ZNF362: variants seen among roughly 807,000 people sequenced by gnomAD.
ZNF362 encodes the protein rotund homolog.
A neutral mutation model predicts 42.9 loss-of-function variants in ZNF362; 11 were observed. The observed-to-expected ratio is 0.26, with a 90% CI of 0.16 to 0.42. The LOEUF is 0.42. Among genes scored for constraint, ZNF362 ranks in the 20% least tolerant of loss-of-function variants. The probability of loss-of-function intolerance (pLI) is 1.00; values close to 1 mark genes in which losing one functional copy is unlikely to be tolerated. For missense variants in ZNF362, 362 were observed against 576.2 expected (o/e 0.63, Z 3.81); for synonymous variants, 255 against 257.3 (o/e 0.99, Z 0.09).
At chr1:33,243,165 T>TGTTGTTAC in the ZNF362 span, among the ~76,000 whole-genome samples, 2 of 150,058 alleles carry the variant, frequency 1.3e-5, no homozygotes, top group African/African-American at 5.0e-5. Flanking sequence ...TATGTTGTTA[T>TGTTGTTAC]GTTATTTTGA....
chr1:33,207,950 A>G, the ZNF362 span, among the ~76,000 whole-genome samples: 1 of 152,048 alleles, frequency 6.6e-6, no homozygotes, highest in African/African-American at 2.4e-5. Flanking sequence ...CTTTAGTTTA[A>G]CTAGTCCTCA....
At chr1:33,225,763 C>T in the ZNF362 span, among the ~76,000 whole-genome samples, 1 of 152,174 alleles carries the variant, frequency 6.6e-6, no homozygotes, top group Non-Finnish European at 1.5e-5. Context: ...CCAGGGTTAG[C>T]TCAATGCTGA....
the ZNF362 span, among the ~76,000 whole-genome samples, chr1:33,183,352 T>A: frequency 6.6e-6 from 1 of 152,232 alleles, no homozygotes; most frequent in Non-Finnish European, 1.5e-5. Context: ...TGGTTAACAC[T>A]TTCTCCATCA....
At chr1:33,282,120 A>G in intron 6 of ZNF362, 1 of 417,906 alleles carries the variant, frequency 2.4e-6, no homozygotes, top group South Asian at 2.7e-5. Flanking sequence ...GCCCTCCCTG[A>G]TTGCTCTAGC....
chr1:33,223,801 G>A, the ZNF362 span, among the ~76,000 whole-genome samples: 3 of 151,668 alleles, frequency 2.0e-5, no homozygotes. Context: ...GCTGAGGTGG[G>A]AGAATCGCTT....
At chr1:33,255,738 G>A (rs946302767), upstream of ZNF362, among the ~76,000 whole-genome samples, 1 of 152,090 alleles carries the variant, frequency 6.6e-6, no homozygotes, top group African/African-American at 2.4e-5. Context: ...CTGGGCCTGT[G>A]CAAACTTCTA....
At chr1:33,214,176 C>G in the ZNF362 span, among the ~76,000 whole-genome samples, 6 of 152,294 alleles carry the variant, frequency 3.9e-5, no homozygotes, top group African/African-American at 1.2e-4. Flanking sequence ...ATGCACACCC[C>G]TAAAAATTCC....
upstream of ZNF362, among the ~76,000 whole-genome samples, chr1:33,251,550 C>T (rs1459203709): frequency 6.6e-6 from 1 of 152,202 alleles, no homozygotes; most frequent in African/African-American, 2.4e-5. Flanking sequence ...TGCCATATCA[C>T]ATCTCTGCTT....
the ZNF362 span, chr1:33,147,608 G>A: frequency 2.0e-5 from 33 of 1,614,020 alleles, no homozygotes; most frequent in African/African-American, 2.7e-5. The surrounding 1 kb of genome is among the most constrained non-coding windows in gnomAD (Gnocchi z 8.1). Context: ...ACATCGAAGC[G>A]CTTTGGCGAG....
the ZNF362 span, among the ~76,000 whole-genome samples, chr1:33,189,722 T>TATATATAC: frequency 3.2e-3 from 334 of 102,950 alleles, 25 homozygotes; most frequent in African/African-American, 0.013. Flanking sequence ...TATATATACA[T>TATATATAC]ACACACATAC....
intron 1 of ZNF362, among the ~76,000 whole-genome samples, chr1:33,257,569 G>A (rs1342731292): frequency 2.0e-5 from 3 of 152,026 alleles, no homozygotes; most frequent in Non-Finnish European, 4.4e-5. Context: ...GGGTGGGGGG[G>A]CGGATGTGGA....
the ZNF362 span, among the ~76,000 whole-genome samples, chr1:33,170,091 A>C: frequency 6.6e-6 from 1 of 152,192 alleles, no homozygotes; most frequent in African/African-American, 2.4e-5. Flanking sequence ...TGGGAGGCTG[A>C]GGCTGAGACC....
the ZNF362 span, among the ~76,000 whole-genome samples, chr1:33,189,714 TATATACATACACACATACAC>T: frequency 8.0e-6 from 1 of 124,730 alleles, no homozygotes; most frequent in African/African-American, 3.2e-5. Context: ...TATACGTATA[TATATACATACACACATACAC>T]ATATATATAT....
chr1:33,166,080 G>C, the ZNF362 span: 1 of 152,444 alleles, frequency 6.6e-6, no homozygotes. Context: ...TCTCACAGGA[G>C]TGTGAACTGC....
chr1:33,136,152 TTCCTTCC>T, the ZNF362 span, among the ~76,000 whole-genome samples: 1 of 147,504 alleles, frequency 6.8e-6, no homozygotes, highest in East Asian at 2.0e-4. Flanking sequence ...CCTTCCTTCC[TTCCTTCC>T]TTCCTTCCTT....
chr1:33,189,336 G>T, the ZNF362 span, among the ~76,000 whole-genome samples: 3 of 151,976 alleles, frequency 2.0e-5, no homozygotes, highest in Non-Finnish European at 2.9e-5. Flanking sequence ...GCCTGCTTCT[G>T]TAGTTTATTT....
the ZNF362 span, among the ~76,000 whole-genome samples, chr1:33,156,242 A>G: frequency 6.6e-6 from 1 of 152,128 alleles, no homozygotes; most frequent in Admixed American, 6.5e-5. Flanking sequence ...TTCTATCATA[A>G]AAAACAGCAC....
At chr1:33,235,218 C>A in the ZNF362 span, among the ~76,000 whole-genome samples, 2 of 152,098 alleles carry the variant, frequency 1.3e-5, no homozygotes, top group Non-Finnish European at 2.9e-5. Flanking sequence ...TGAGGCCCTG[C>A]AATACCGCTT....
the ZNF362 span, among the ~76,000 whole-genome samples, chr1:33,136,568 C>T: frequency 6.6e-5 from 10 of 151,182 alleles, no homozygotes; most frequent in Non-Finnish European, 1.0e-4. Context: ...CAGGGTTTCG[C>T]CATGTTGGGC....
Sources: allele counts gnomAD v4.1 joint callset (sites outside exome capture counted in the v4.1 genomes callset), GRCh38; gene constraint gnomAD v4.1.1; non-coding constraint Gnocchi (gnomAD v3.1); transcripts MANE v1.5; gene names NCBI Gene and HGNC (gene_info 2026-07-23, HGNC 2026-07-21).